HSD17B4: variants seen among roughly 807,000 people sequenced by gnomAD.
The protein encoded by HSD17B4 is hydroxysteroid 17-beta dehydrogenase 4, also known as peroxisomal multifunctional enzyme type 2.
A neutral mutation model predicts 101.0 loss-of-function variants in HSD17B4; 70 were observed. The ratio of observed to expected loss-of-function variants is 0.69; its 90% CI spans 0.57 to 0.85. The LOEUF is 0.85. Ranked by LOEUF, HSD17B4 falls within the 40% of genes least tolerant of loss-of-function variation. HSD17B4 has a pLI of 0.00. For synonymous variants in HSD17B4, 347 were observed against 297.1 expected (o/e 1.17, Z -1.73); for missense variants, 984 against 892.4 (o/e 1.10, Z -1.31).
intron 11 of HSD17B4, among the ~76,000 whole-genome samples, chr5:119,494,525 T>G (rs1346081183): frequency 6.6e-6 from 1 of 152,050 alleles, no homozygotes; most frequent in Non-Finnish European, 1.5e-5. Flanking sequence ...CTACCTTTGA[T>G]CTCCTCTGCT....
At chr5:119,454,957 A>G (rs1305452788) in intron 1 of HSD17B4, among the ~76,000 whole-genome samples, 1 of 152,210 alleles carries the variant, frequency 6.6e-6, no homozygotes, top group Non-Finnish European at 1.5e-5. Flanking sequence ...TAATTTATGT[A>G]TCTCAGTTTG....
At chr5:119,509,943 A>G (rs1031423896) in intron 16 of HSD17B4, among the ~76,000 whole-genome samples, 1 of 152,222 alleles carries the variant, frequency 6.6e-6, no homozygotes, top group African/African-American at 2.4e-5. Flanking sequence ...GTAGGCTATC[A>G]GTTGTTAAGA....
Position 119,529,950 on chromosome 5 carries a change from A to C in HSD17B4, c.1824A>C (p.Thr608=). 7 of 1,609,924 alleles carry C rather than the reference A, an allele frequency of 4.3e-6. No homozygotes were observed. Among genetic ancestry groups the C allele is most frequent in the Non-Finnish European group, 5.9e-6 (7 of 1,176,634 alleles). ...ISNAYVDLAP[T]SGTSAKTPSE... is the part of the protein sequence containing the mutation. ...ATGCATATGTGGATCTTGCACCAAC[A>C]TCTGGTACTTCAGCTAAGACACCCT... is the stretch of plus-strand genomic sequence containing the variant. The change falls in exon 21 of 24, where the codon ACA becomes ACC. Residue 608 remains threonine (T), a synonymous_variant. Transcript: ENST00000510025.
chr5:119,521,017 A>G (rs1048109154), intron 17 of HSD17B4, among the ~76,000 whole-genome samples: 2 of 152,140 alleles, frequency 1.3e-5, no homozygotes, highest in Admixed American at 1.3e-4. Context: ...TTGCAGTTGA[A>G]TATGTCAACC....
chr5:119,503,638 A>G (rs1418610462), intron 14 of HSD17B4, among the ~76,000 whole-genome samples: 1 of 152,106 alleles, frequency 6.6e-6, no homozygotes, highest in Non-Finnish European at 1.5e-5. Context: ...TTAATGGCTC[A>G]TTTGTTGGCT....
At chr5:119,537,311 A>C (rs949113334) in intron 23 of HSD17B4, among the ~76,000 whole-genome samples, 4 of 152,152 alleles carry the variant, frequency 2.6e-5, no homozygotes, top group Non-Finnish European at 4.4e-5. Context: ...ATCAGATAAA[A>C]TCTAAATTTG....
intron 1 of HSD17B4, among the ~76,000 whole-genome samples, chr5:119,453,590 A>G (rs1302291001): frequency 1.3e-5 from 2 of 152,198 alleles, no homozygotes; most frequent in African/African-American, 4.8e-5. Flanking sequence ...AAAGGCCCTA[A>G]TGCATGAATT....
chr5:119,520,462 C>T (rs1342149583), intron 17 of HSD17B4, among the ~76,000 whole-genome samples: 1 of 152,154 alleles, frequency 6.6e-6, no homozygotes, highest in Non-Finnish European at 1.5e-5. Flanking sequence ...CTCTTCAGTA[C>T]ACACAAATTC....
At chr5:119,474,354 T>C (rs1748361157) in intron 3 of HSD17B4, 47 bp from the exon 4 acceptor site, 1 of 1,181,216 alleles carries the variant, frequency 8.5e-7, no homozygotes, top group East Asian at 2.3e-5. Context: ...AGAAGTCCTT[T>C]GGAAGGGAGG....
chr5:119,541,962 C>T lies in HSD17B4; in HGVS notation c.2179C>T (p.Gln727Ter). Residue 727 changes from glutamine (Q) to a stop codon, truncating the protein, a stop_gained, in exon 24 of 24, where the codon CAG becomes TAG. Transcript: ENST00000510025. LOFTEE classifies it high-confidence loss of function. ...GAACATCATGCTGAGCCAGAAACTT[C>T]AGATGATTCTTAAAGACTACGCCAA... ...RGNIMLSQKLQMILKDYAKL is the reference protein window; with the variant it reads ...RGNIMLSQKL 6.2e-7 allele frequency: 1 copy of T among 1,612,970 alleles called. No homozygotes were observed. The highest frequency in any genetic ancestry group is 8.5e-7 in the Non-Finnish European group (1 of 1,179,248).
intron 14 of HSD17B4, among the ~76,000 whole-genome samples, chr5:119,503,412 A>AT (rs530179874): frequency 4.4e-4 from 67 of 152,048 alleles, no homozygotes; most frequent in Admixed American, 2.7e-3. Flanking sequence ...CTCATGAATT[A>AT]TTTTTTCTCA....
intron 12 of HSD17B4, among the ~76,000 whole-genome samples, chr5:119,497,645 T>A (rs1750769048): frequency 6.6e-6 from 1 of 152,202 alleles, no homozygotes; most frequent in Non-Finnish European, 1.5e-5. Flanking sequence ...GAAGTGCCTA[T>A]AATCAGCAAA....
chr5:119,455,347 T>A (rs1200691547), intron 1 of HSD17B4, among the ~76,000 whole-genome samples: 1 of 152,046 alleles, frequency 6.6e-6, no homozygotes, highest in Non-Finnish European at 1.5e-5. Context: ...TGAAACCCCA[T>A]CTCTACTAAA....
At chr5:119,453,214 A>T (rs1327683794) in intron 1 of HSD17B4, among the ~76,000 whole-genome samples, 3 of 152,182 alleles carry the variant, frequency 2.0e-5, no homozygotes, top group East Asian at 3.9e-4. Flanking sequence ...CTGTTCTCGA[A>T]ATCCACTGGA....
intron 19 of HSD17B4, among the ~76,000 whole-genome samples, chr5:119,526,404 C>T (rs1270463345): frequency 1.3e-5 from 2 of 151,750 alleles, no homozygotes; most frequent in East Asian, 1.9e-4. Flanking sequence ...AATAAACATA[C>T]ATCTACAGCA....
intron 10 of HSD17B4, 152 bp downstream of exon 10, chr5:119,492,276 A>G (rs1367914972): frequency 1.4e-6 from 1 of 705,274 alleles, no homozygotes; most frequent in African/African-American, 1.8e-5. Flanking sequence ...AGCAACAGGT[A>G]TTTTTAAACA....
Position 119,477,397 on chromosome 5 carries a change from A to G in HSD17B4, c.350-20A>G. 6.5e-7 allele frequency: 1 copy of G among 1,527,836 alleles called. No homozygotes were observed. Among genetic ancestry groups the G allele is most frequent in the African/African-American group, 1.4e-5 (1 of 72,446 alleles). 94.6% of individuals were successfully genotyped at this position (1,527,836 alleles called of 1,614,324 possible). A position where few individuals can be genotyped will look rare whatever the true frequency, so the allele number is the denominator to read the frequency against. Reference sequence around the variant, plus strand: ...CTAAGTTTTTACAAAATATTTAATAAAAATAATTTATTGTTTTAGATATAA... The same window carrying G: ...CTAAGTTTTTACAAAATATTTAATAGAAATAATTTATTGTTTTAGATATAA... On this transcript the variant is annotated intron_variant, in intron 6 of 23. Transcript: ENST00000510025.
At chr5:119,470,513 A>G (rs1756259577) in intron 2 of HSD17B4, among the ~76,000 whole-genome samples, 1 of 152,190 alleles carries the variant, frequency 6.6e-6, no homozygotes, top group African/African-American at 2.4e-5. Context: ...TACTGAGCTC[A>G]GGGTCTGTGA....
intron 7 of HSD17B4, among the ~76,000 whole-genome samples, chr5:119,478,456 A>G (rs775946581): frequency 6.6e-6 from 1 of 152,198 alleles, no homozygotes; most frequent in Non-Finnish European, 1.5e-5. Context: ...CATTGTTTTA[A>G]TGAGGCATTT....
Sources: allele counts gnomAD v4.1 joint callset (sites outside exome capture counted in the v4.1 genomes callset), GRCh38; gene constraint gnomAD v4.1.1; transcripts MANE v1.5; gene names NCBI Gene and HGNC (gene_info 2026-07-23, HGNC 2026-07-21).